KANK1: variants seen among roughly 807,000 people sequenced by gnomAD.
The protein encoded by KANK1 is KN motif and ankyrin repeat domains 1, also known as KN motif and ankyrin repeat domain-containing protein 1.
Under a neutral mutation model 106.2 loss-of-function variants are expected in KANK1, and 109 were observed. That is an observed-to-expected ratio of 1.03 (90% CI 0.88 to 1.20). The LOEUF (loss-of-function observed/expected upper bound fraction) is 1.20, where lower values mean the gene tolerates loss of function less well. Ranked by LOEUF, KANK1 falls within the 50% of genes most tolerant of loss-of-function variation. The pLI is 0.00. For missense variants in KANK1, 2,399 were observed against 1,710.7 expected, an observed-to-expected ratio of 1.40 and a Z score of -7.10; for synonymous variants, 873 against 652.2, an observed-to-expected ratio of 1.34 and a Z score of -5.16.
intron 1 of KANK1, among the ~76,000 whole-genome samples, chr9:628,367 G>C (rs1834857017): frequency 6.6e-6 from 1 of 152,100 alleles, no homozygotes; most frequent in African/African-American, 2.4e-5. Flanking sequence ...GGTATTCTTA[G>C]TTCCAAATCC....
intron 1 of KANK1, among the ~76,000 whole-genome samples, chr9:607,563 T>G (rs1018912164): frequency 1.3e-5 from 2 of 151,162 alleles, no homozygotes; most frequent in African/African-American, 4.9e-5. Context: ...CCTGTGGGCT[T>G]GTTGGTTCTT....
upstream of KANK1, among the ~76,000 whole-genome samples, chr9:502,240 C>T (rs982609452): frequency 6.9e-3 from 1 of 144 alleles, no homozygotes; most frequent in African/African-American, 0.036. Flanking sequence ...ACTGGGATGT[C>T]AATGTCTGGA....
intron 1 of KANK1, among the ~76,000 whole-genome samples, chr9:506,963 G>T (rs1467337013): frequency 6.6e-6 from 1 of 152,112 alleles, no homozygotes; most frequent in Non-Finnish European, 1.5e-5. Flanking sequence ...GCTTTTTGTT[G>T]GATAATGTGT....
intron 2 of KANK1, chr9:693,334 C>G (rs981530087): frequency 2.1e-6 from 2 of 945,572 alleles, no homozygotes; most frequent in African/African-American, 3.5e-5. Flanking sequence ...AACAGAGAGC[C>G]TTTCTCTGCA....
intron 3 of KANK1, among the ~76,000 whole-genome samples, chr9:499,177 C>CA (rs199624864): frequency 0.043 from 5,009 of 117,818 alleles, 204 homozygotes; most frequent in South Asian, 0.15. Flanking sequence ...GACTCTGTCT[C>CA]AAAAAAAAAA....
chr9:686,750 C>G (rs371135201), intron 2 of KANK1: 2 of 985,132 alleles, frequency 2.0e-6, no homozygotes, highest in African/African-American at 3.5e-5. Context: ...ATGAGCCTAT[C>G]CGGTAAGGGA....
chr9:515,473 A>C (rs919147825), intron 1 of KANK1, among the ~76,000 whole-genome samples: 1 of 151,646 alleles, frequency 6.6e-6, no homozygotes, highest in African/African-American at 2.4e-5. Context: ...GTTTTATGAG[A>C]GATGTATTTC....
At chr9:735,847 T>C in intron 7 of KANK1, 1 of 326,248 alleles carries the variant, frequency 3.1e-6, no homozygotes, top group Non-Finnish European at 6.6e-6. Flanking sequence ...TACAAAAAGT[T>C]AGCCAGGCAT....
At position 713,132 on chromosome 9, in the gene KANK1, G is replaced by T. The variant is rs146130179; in HGVS notation, c.2366G>T (p.Gly789Val). The change falls in exon 3 of 12, where the codon GGG becomes GTG. Residue 789 changes from glycine to valine, a missense_variant. Physicochemically the swap from Gly to Val is moderately radical, Grantham distance 109. Coordinates refer to ENST00000382297, the MANE Select transcript of KANK1 (RefSeq NM_015158.5). ...IACGPPQLTV[G>V]LTASRRSVGV... ...TGTGGGCCACCACAGTTGACTGTGG[G>T]GCTGACAGCCAGCAGAAGGAGCGTG... is the stretch of plus-strand genomic sequence containing the variant. 111 of 1,599,652 alleles carry T rather than the reference G, an allele frequency of 6.9e-5. No homozygotes were observed. In the African/African-American group the frequency reaches 1.2e-3, roughly 18 times the overall value.
chr9:605,836 TG>T (rs1828972515), intron 1 of KANK1, among the ~76,000 whole-genome samples: 1 of 151,616 alleles, frequency 6.6e-6, no homozygotes, highest in South Asian at 2.1e-4. Flanking sequence ...GATTTTATTA[TG>T]GGTTGAGCAG....
chr9:513,508 T>C (rs2059124293), intron 1 of KANK1, among the ~76,000 whole-genome samples: 1 of 152,244 alleles, frequency 6.6e-6, no homozygotes, highest in Non-Finnish European at 1.5e-5. Flanking sequence ...CTAATCCCTT[T>C]TTATAATTAT....
chr9:673,627 AGAAAAAGATCTTCTGCCAGAT>A (rs971509762), intron 1 of KANK1: 1 of 152,200 alleles, frequency 6.6e-6, no homozygotes, highest in African/African-American at 2.4e-5. Flanking sequence ...TTTGGATCTG[AGAAAAAGATCTTCTGCCAGAT>A]GAAAGAGTTT....
chr9:511,513 T>G (rs1257744396), intron 1 of KANK1, among the ~76,000 whole-genome samples: 1 of 152,150 alleles, frequency 6.6e-6, no homozygotes, highest in African/African-American at 2.4e-5. Flanking sequence ...TAAAAGCATC[T>G]CCTTTATTGG....
chr9:630,668 A>C (rs1835483979), intron 1 of KANK1, among the ~76,000 whole-genome samples: 1 of 152,084 alleles, frequency 6.6e-6, no homozygotes, highest in African/African-American at 2.4e-5. Context: ...TTGGGAGGCC[A>C]AGGCGGTCAG....
chr9:568,392 C>T (rs1818333696), intron 1 of KANK1, among the ~76,000 whole-genome samples: 1 of 152,148 alleles, frequency 6.6e-6, no homozygotes, highest in South Asian at 2.1e-4. Context: ...TATTAAGTTT[C>T]TGAAATTTTT....
At chr9:698,011 G>A (rs757447457) in intron 2 of KANK1, among the ~76,000 whole-genome samples, 1 of 152,178 alleles carries the variant, frequency 6.6e-6, no homozygotes, top group African/African-American at 2.4e-5. Context: ...CTGAAATTCA[G>A]CTTGTCAGAG....
At chr9:612,810 T>G (rs1830883934) in intron 1 of KANK1, among the ~76,000 whole-genome samples, 1 of 152,066 alleles carries the variant, frequency 6.6e-6, no homozygotes, top group African/African-American at 2.4e-5. Flanking sequence ...GAACCCCAGT[T>G]TAGACCAGCA....
intron 1 of KANK1, among the ~76,000 whole-genome samples, chr9:563,111 A>G (rs937831586): frequency 2.0e-5 from 3 of 152,174 alleles, no homozygotes; most frequent in Admixed American, 1.3e-4. Flanking sequence ...ATTTAAGAGG[A>G]AAGATGGAAC....
intron 1 of KANK1, among the ~76,000 whole-genome samples, chr9:638,780 C>G (rs1419966528): frequency 1.3e-5 from 2 of 152,140 alleles, no homozygotes; most frequent in African/African-American, 2.4e-5. Context: ...TCTCCATCAG[C>G]GTATGGAAAT....
Sources: allele counts gnomAD v4.1 joint callset (sites outside exome capture counted in the v4.1 genomes callset), GRCh38; gene constraint gnomAD v4.1.1; transcripts MANE v1.5; gene names NCBI Gene and HGNC (gene_info 2026-07-23, HGNC 2026-07-21).